ERCC6L2: variants seen among roughly 807,000 people sequenced by gnomAD.
The protein encoded by ERCC6L2 is DNA excision repair protein ERCC-6-like 2.
A neutral mutation model predicts 132.0 loss-of-function variants in ERCC6L2; 77 were observed. That is an observed-to-expected ratio of 0.58 (90% CI 0.49 to 0.71). ERCC6L2 has a LOEUF of 0.71. Ranked by LOEUF, ERCC6L2 falls within the 30% of genes least tolerant of loss-of-function variation. The pLI is 0.00. For synonymous variants in ERCC6L2, 583 were observed against 632.4 expected (o/e 0.92, Z 1.17); for missense variants, 1,542 against 1,837.6 (o/e 0.84, Z 2.94).
At chr9:95,903,967 G>T (rs1828906216) in intron 3 of ERCC6L2, among the ~76,000 whole-genome samples, 1 of 151,922 alleles carries the variant, frequency 6.6e-6, no homozygotes, top group Non-Finnish European at 1.5e-5. Flanking sequence ...CAAAAATTAG[G>T]CTGTTTTTAT....
At chr9:96,012,095 A>G (rs1384072391) in intron 18 of ERCC6L2, 130 bp from the exon 19 acceptor site, 8 of 511,420 alleles carry the variant, frequency 1.6e-5, no homozygotes, top group African/African-American at 2.0e-5. Context: ...TCATTGTGGA[A>G]TTCAGCAGAC....
chr9:95,961,952 T>G lies in ERCC6L2; in HGVS notation c.1948-4610T>G, dbSNP rs919475146. Among the ~76,000 whole-genome samples the G allele has an allele frequency of 2.6e-5, 4 of 152,046 alleles. No homozygotes were observed. The South Asian group carries it at 8.3e-4, about 32-fold the overall frequency. Reference sequence around the variant, plus strand: ...GACTTATTCACTACCACGAGAACAGTAGGGGGTGAACCGCCCACATGATTC... The same window carrying G: ...GACTTATTCACTACCACGAGAACAGGAGGGGGTGAACCGCCCACATGATTC... On this transcript the variant is annotated intron_variant, in intron 13 of 18. Coordinates refer to ENST00000653738, the MANE Select transcript of ERCC6L2 (RefSeq NM_020207.7).
intron 16 of ERCC6L2, 105 bp from the exon 17 acceptor site, chr9:95,977,956 A>G (rs1832738669): frequency 1.5e-6 from 1 of 655,228 alleles, no homozygotes; most frequent in Non-Finnish European, 2.1e-6. Flanking sequence ...GAATATTGTG[A>G]TGTTGATGTT....
chr9:95,881,954 G>C (rs690304), intron 2 of ERCC6L2, among the ~76,000 whole-genome samples: 90,303 of 152,092 alleles, frequency 0.59, 27,047 homozygotes, highest in East Asian at 0.79. Flanking sequence ...GCCTGGTCCT[G>C]TAGCTTTGCC....
At chr9:95,910,512 A>G (rs927992273) in intron 4 of ERCC6L2, among the ~76,000 whole-genome samples, 6 of 152,168 alleles carry the variant, frequency 3.9e-5, no homozygotes, top group Non-Finnish European at 8.8e-5. Flanking sequence ...CTGTATGACT[A>G]ATGCTGCTGT....
chr9:95,953,753 A>G (rs1239154244), intron 12 of ERCC6L2, among the ~76,000 whole-genome samples: 2 of 152,132 alleles, frequency 1.3e-5, no homozygotes, highest in African/African-American at 4.8e-5. Context: ...TTATTAAGAT[A>G]AAAATAAGAA....
In ERCC6L2 at chr9:95,972,778, C is replaced by T. The variant is rs1384789262; in HGVS notation, c.3027C>T (p.Thr1009=). 7.7e-7 allele frequency: 1 copy of T among 1,303,232 alleles called. No individual in the cohort carries two copies. The highest frequency in any genetic ancestry group is 1.0e-6 in the Non-Finnish European group (1 of 988,726). 80.7% of individuals were successfully genotyped at this position (1,303,232 alleles called of 1,614,324 possible). ...SSLRFKRIKE[T]KKELHNSPKT... is the part of the protein sequence containing the mutation. ...TGAGGTTTAAGAGAATAAAAGAAAC[C>T]AAAAAAGAACTTCACAATTCTCCCA... The change falls in exon 16 of 19, where the codon ACC becomes ACT. Residue 1009 remains threonine (T), a synonymous_variant. Coordinates refer to ENST00000653738, the MANE Select transcript of ERCC6L2 (RefSeq NM_020207.7).
At chr9:95,941,254 A>AT (rs1418536028) in intron 11 of ERCC6L2, among the ~76,000 whole-genome samples, 200 bp from the exon 12 acceptor site, 2 of 152,084 alleles carry the variant, frequency 1.3e-5, no homozygotes, top group African/African-American at 2.4e-5. Context: ...TTTTTTAGGG[A>AT]TTTTCTAGAG....
chr9:95,928,749 G>T lies in ERCC6L2; in HGVS notation c.1636G>T (p.Ala546Ser), dbSNP rs757244024. 33 of 1,612,698 alleles carry T rather than the reference G, an allele frequency of 2.0e-5. No homozygotes were observed. The highest frequency in any genetic ancestry group is 2.6e-5 in the Non-Finnish European group (31 of 1,179,510). Residue 546 changes from alanine (A) to serine (S), a missense_variant, in exon 11 of 19, where the codon GCG becomes TCG. By Grantham distance (99) the Ala-to-Ser change is moderately conservative. Coordinates refer to ENST00000653738, the MANE Select transcript of ERCC6L2 (RefSeq NM_020207.7). Reference sequence around the variant, plus strand: ...TGACGTGCTACAGCAGTACTGTATGGCGTCTGGGCTTGATTACCGACGACT... The same window carrying T: ...TGACGTGCTACAGCAGTACTGTATGTCGTCTGGGCTTGATTACCGACGACT... ...LLDVLQQYCM[A>S]SGLDYRRLDG... is the part of the protein sequence containing the mutation.
chr9:95,984,955 G>C (rs996716481), intron 17 of ERCC6L2, among the ~76,000 whole-genome samples: 2 of 143,710 alleles, frequency 1.4e-5, no homozygotes, highest in African/African-American at 5.6e-5. Context: ...CTTTCTCTCA[G>C]TGAGAAGTGT....
intron 2 of ERCC6L2, among the ~76,000 whole-genome samples, chr9:95,888,609 T>C (rs1179909492): frequency 6.6e-6 from 1 of 152,138 alleles, no homozygotes; most frequent in Non-Finnish European, 1.5e-5. Context: ...TGGACCACCA[T>C]AGTGTGGTAA....
rs779547658 is a variant in ERCC6L2, at chr9:95,936,630, CTT to C, written c.1752-4822_1752-4821del. On this transcript the variant is annotated intron_variant, in intron 11 of 18. Transcript: ENST00000653738. ...ATAATACAGAATGATCCCATGCACT[CTT>C]TACCCAGTTCCCCCAATGTAATATC... 2.6e-4 allele frequency among the ~76,000 whole-genome samples: 40 copies of C among 152,312 alleles called. 1 individual carries two copies. The Middle Eastern group carries it at 0.014, about 52-fold the overall frequency.
intron 12 of ERCC6L2, among the ~76,000 whole-genome samples, chr9:95,946,414 G>C (rs1831067602): frequency 6.6e-6 from 1 of 152,158 alleles, no homozygotes; most frequent in Non-Finnish European, 1.5e-5. Context: ...TGTAGTCCCA[G>C]CTACTTGGGA....
chr9:95,919,319 T>C (rs1370588278), intron 6 of ERCC6L2, among the ~76,000 whole-genome samples: 3 of 152,236 alleles, frequency 2.0e-5, no homozygotes, highest in Non-Finnish European at 4.4e-5. Flanking sequence ...TACAAATATT[T>C]ACAAATATTT....
intron 2 of ERCC6L2, among the ~76,000 whole-genome samples, chr9:95,891,730 A>G (rs374182666): frequency 2.0e-5 from 3 of 151,978 alleles, no homozygotes; most frequent in African/African-American, 7.3e-5. Context: ...TTTCTTCATT[A>G]TAGCCATCCT....
At chr9:95,959,024 C>A (rs1564263191) in intron 13 of ERCC6L2, among the ~76,000 whole-genome samples, 1 of 151,872 alleles carries the variant, frequency 6.6e-6, no homozygotes. Flanking sequence ...TTGGAAAAAA[C>A]TACTTTAAAG....
chr9:95,928,237 C>A (rs1830185006), intron 10 of ERCC6L2, 87 bp downstream of exon 10: 4 of 832,786 alleles, frequency 4.8e-6, no homozygotes, highest in Non-Finnish European at 1.9e-6. Flanking sequence ...TGACACCTTA[C>A]AGCCACATTT....
intron 3 of ERCC6L2, 114 bp downstream of exon 3, chr9:95,898,085 A>C: frequency 3.2e-6 from 3 of 943,596 alleles, no homozygotes; most frequent in South Asian, 2.6e-5. Flanking sequence ...AAAACCTAAG[A>C]ATTTAAAGAT....
intron 12 of ERCC6L2, among the ~76,000 whole-genome samples, chr9:95,947,508 C>T (rs192302093): frequency 2.3e-4 from 35 of 152,282 alleles, no homozygotes; most frequent in Non-Finnish European, 4.1e-4. Flanking sequence ...AAAGCTGCAG[C>T]AAGTTATCCA....
Sources: allele counts gnomAD v4.1 joint callset (sites outside exome capture counted in the v4.1 genomes callset), GRCh38; gene constraint gnomAD v4.1.1; transcripts MANE v1.5; gene names NCBI Gene and HGNC (gene_info 2026-07-23, HGNC 2026-07-21).